The following HSD17B11 variants were observed in gnomAD, a reference collection of about 807,000 sequenced individuals.
HSD17B11 encodes hydroxysteroid 17-beta dehydrogenase 11.
Under a neutral mutation model 27.8 loss-of-function variants are expected in HSD17B11, and 22 were observed. The ratio of observed to expected loss-of-function variants is 0.79; its 90% CI spans 0.56 to 1.13. HSD17B11 has a LOEUF of 1.13. HSD17B11 is among the 50% of genes most tolerant of loss of function. The pLI is 0.00. For missense variants in HSD17B11, 314 were observed against 351.1 expected, an observed-to-expected ratio of 0.89 and a Z score of 0.84; for synonymous variants, 117 against 132.8, an observed-to-expected ratio of 0.88 and a Z score of 0.82.
At chr4:87,342,739 A>T (rs1225357462) in intron 5 of HSD17B11, among the ~76,000 whole-genome samples, 2 of 152,220 alleles carry the variant, frequency 1.3e-5, no homozygotes. Flanking sequence ...TTCTCAGCAC[A>T]GTTCATTCAT....
At chr4:87,338,190 C>T (rs1180049772) in intron 6 of HSD17B11, among the ~76,000 whole-genome samples, 1 of 152,162 alleles carries the variant, frequency 6.6e-6, no homozygotes, top group Non-Finnish European at 1.5e-5. Flanking sequence ...GCGCTCCAGC[C>T]TGGGCGACAG....
At chr4:87,378,819 A>AT (rs1553960231) in intron 2 of HSD17B11, among the ~76,000 whole-genome samples, 1 of 40,454 alleles carries the variant, frequency 2.5e-5, no homozygotes, top group Non-Finnish European at 4.4e-5. Context: ...ATAAATATAA[A>AT]ATATATATAT....
chr4:87,354,054 T>A (rs1399140870), intron 5 of HSD17B11, among the ~76,000 whole-genome samples: 3 of 152,194 alleles, frequency 2.0e-5, no homozygotes, highest in Non-Finnish European at 2.9e-5. Context: ...CTCTAAAATA[T>A]ACACTCTTAC....
chr4:87,389,476 G>T (rs527800704), intron 1 of HSD17B11, among the ~76,000 whole-genome samples: 2 of 152,068 alleles, frequency 1.3e-5, no homozygotes, highest in African/African-American at 4.8e-5. Context: ...TGCCCGCCTC[G>T]GCCTCCAAAA....
intron 1 of HSD17B11, among the ~76,000 whole-genome samples, chr4:87,390,159 TTTTG>T (rs1487309135): frequency 2.0e-5 from 3 of 152,102 alleles, no homozygotes; most frequent in Non-Finnish European, 4.4e-5. Flanking sequence ...AGTATAATCT[TTTTG>T]TTTGTTTTTT....
intron 5 of HSD17B11, among the ~76,000 whole-genome samples, chr4:87,344,797 A>G (rs1212555622): frequency 6.6e-6 from 1 of 152,226 alleles, no homozygotes; most frequent in Non-Finnish European, 1.5e-5. Context: ...TATACAAACT[A>G]TGTTCTCTGA....
At position 87,374,689 on chromosome 4, in the gene HSD17B11, C is replaced by G; in HGVS notation, c.450+10G>C. On this transcript the variant is annotated intron_variant, in intron 3 of 6. Transcript: ENST00000358290. Reference sequence around the variant, plus strand: ...AAAAGGAACATTTTTGTAAAAGAAGCCATACTCACCCAGAAATGTGCAAGT... The same window carrying G: ...AAAAGGAACATTTTTGTAAAAGAAGGCATACTCACCCAGAAATGTGCAAGT... 1 of 1,590,646 alleles carries G rather than the reference C, an allele frequency of 6.3e-7. No homozygotes were observed. The highest frequency in any genetic ancestry group is 8.5e-7 in the Non-Finnish European group (1 of 1,174,114).
At chr4:87,341,267 G>A (rs1429957798) in intron 5 of HSD17B11, among the ~76,000 whole-genome samples, 1 of 152,068 alleles carries the variant, frequency 6.6e-6, no homozygotes, top group Non-Finnish European at 1.5e-5. Flanking sequence ...CACCTACTGG[G>A]TTCAAGCGAT....
chr4:87,337,532 C>G (rs1222831198), intron 6 of HSD17B11, among the ~76,000 whole-genome samples, 166 bp from the exon 7 acceptor site: 2 of 152,138 alleles, frequency 1.3e-5, no homozygotes, highest in East Asian at 3.9e-4. Flanking sequence ...CCCATTAAAT[C>G]TATTTCCTTT....
chr4:87,378,200 C>G (rs566841964), intron 2 of HSD17B11, among the ~76,000 whole-genome samples: 8 of 152,136 alleles, frequency 5.3e-5, no homozygotes, highest in African/African-American at 1.7e-4. Flanking sequence ...GTTTTTTGAC[C>G]CTGATCAACA....
intron 4 of HSD17B11, among the ~76,000 whole-genome samples, chr4:87,361,811 T>C (rs1260533120): frequency 6.6e-6 from 1 of 152,152 alleles, no homozygotes; most frequent in African/African-American, 2.4e-5. Flanking sequence ...GGACTCACCC[T>C]GAATTCTTTC....
chr4:87,345,077 AAC>A (rs1238495761), intron 5 of HSD17B11: 1 of 152,284 alleles, frequency 6.6e-6, no homozygotes, highest in Non-Finnish European at 1.5e-5. Context: ...CAGCCTGGAC[AAC>A]AGAGTGAGAC....
chr4:87,347,123 T>TC lies in HSD17B11; in HGVS notation c.696-6518_696-6517insG, dbSNP rs1317670155. 3.9e-4 allele frequency among the ~76,000 whole-genome samples: 34 copies of TC among 87,148 alleles called. 2 individuals are homozygous for TC. In the South Asian group the frequency reaches 7.6e-3, roughly 20 times the overall value. The allele number at this position is 87,148 out of a possible 152,430, so 57.2% of individuals were successfully genotyped here. On this transcript the variant is annotated intron_variant, in intron 5 of 6. Coordinates refer to ENST00000358290, the MANE Select transcript of HSD17B11 (RefSeq NM_016245.5). ...TCTGGATTTTTTTTTTTTCTTTTTT[T>TC]TTTTTTTTTTTTTATTATACTCTAA... is the stretch of plus-strand genomic sequence containing the variant.
intron 2 of HSD17B11, among the ~76,000 whole-genome samples, chr4:87,375,860 T>C (rs1391134372): frequency 2.0e-5 from 3 of 152,238 alleles, no homozygotes; most frequent in Non-Finnish European, 4.4e-5. Context: ...TTTTCTGTTC[T>C]GTTGTTCAAT....
intron 4 of HSD17B11, among the ~76,000 whole-genome samples, chr4:87,369,526 T>C (rs1345905722): frequency 6.6e-6 from 1 of 152,038 alleles, no homozygotes; most frequent in Non-Finnish European, 1.5e-5. Context: ...CTTCAATTCC[T>C]GGGCTCAAGC....
intron 4 of HSD17B11, among the ~76,000 whole-genome samples, chr4:87,362,264 C>T (rs932948022): frequency 2.0e-5 from 3 of 152,228 alleles, no homozygotes; most frequent in African/African-American, 7.2e-5. Flanking sequence ...GTGGCTCACG[C>T]CTGTAATCCC....
At chr4:87,355,604 T>G (rs1365013216) in intron 5 of HSD17B11, among the ~76,000 whole-genome samples, 1 of 152,018 alleles carries the variant, frequency 6.6e-6, no homozygotes, top group East Asian at 1.9e-4. Flanking sequence ...ATGTATTAAT[T>G]AAAAATCTCT....
chr4:87,346,880 T>C (rs1172875005), intron 5 of HSD17B11, among the ~76,000 whole-genome samples: 4 of 151,702 alleles, frequency 2.6e-5, no homozygotes, highest in African/African-American at 4.8e-5. Context: ...AAAAAATATA[T>C]ATATGTATAT....
At chr4:87,389,291 C>T (rs772666112) in intron 1 of HSD17B11, among the ~76,000 whole-genome samples, 4 of 152,148 alleles carry the variant, frequency 2.6e-5, no homozygotes, top group Non-Finnish European at 4.4e-5. Context: ...GGCATGATCT[C>T]GGCTCACTGC....
Sources: gnomAD v4.1 joint callset for allele counts (sites outside exome capture counted in the v4.1 genomes callset) on GRCh38, gnomAD v4.1.1 for gene constraint, MANE v1.5 for transcripts, NCBI Gene and HGNC (gene_info 2026-07-23, HGNC 2026-07-21) for gene names.